CHODL: variants seen among roughly 807,000 people sequenced by gnomAD.
CHODL encodes transmembrane protein MT75.
A neutral mutation model predicts 34.5 loss-of-function variants in CHODL; 29 were observed. The observed-to-expected ratio is 0.84, with a 90% CI of 0.63 to 1.15. The LOEUF (loss-of-function observed/expected upper bound fraction) is 1.15. CHODL is among the 50% of genes most tolerant of loss of function. CHODL has a pLI of 0.00. For synonymous variants in CHODL, 125 were observed against 116.1 expected (o/e 1.08, Z -0.49); for missense variants, 332 against 332.5 (o/e 1.00, Z 0.01).
chr21:18,195,185 G>C (rs1432097310), intron 2 of CHODL, among the ~76,000 whole-genome samples: 1 of 151,970 alleles, frequency 6.6e-6, no homozygotes, highest in Non-Finnish European at 1.5e-5. Flanking sequence ...CTCCTGAGTA[G>C]CTGGGACTAC....
At chr21:17,998,984 C>T (rs1210443245) in intron 1 of CHODL, among the ~76,000 whole-genome samples, 1 of 152,228 alleles carries the variant, frequency 6.6e-6, no homozygotes, top group Non-Finnish European at 1.5e-5. Context: ...TTCATTCCTA[C>T]TGCATTGTCA....
intron 1 of CHODL, among the ~76,000 whole-genome samples, chr21:17,977,700 C>T (rs1461878161): frequency 1.4e-5 from 2 of 146,640 alleles, no homozygotes; most frequent in Non-Finnish European, 1.5e-5. Flanking sequence ...AGGCGAATCC[C>T]GAGGTCAAGA....
chr21:17,987,769 T>C (rs2063765094), intron 1 of CHODL, among the ~76,000 whole-genome samples: 1 of 152,186 alleles, frequency 6.6e-6, no homozygotes, highest in African/African-American at 2.4e-5. Flanking sequence ...AAACATACTA[T>C]AGAATATAAC....
At chr21:18,006,870 G>A (rs1820873282) in intron 1 of CHODL, among the ~76,000 whole-genome samples, 1 of 152,194 alleles carries the variant, frequency 6.6e-6, no homozygotes, top group South Asian at 2.1e-4. Flanking sequence ...AAGCACTTAA[G>A]CAGCTTGGTG....
At chr21:17,976,367 A>G (rs1342967517) in intron 1 of CHODL, among the ~76,000 whole-genome samples, 1 of 151,216 alleles carries the variant, frequency 6.6e-6, no homozygotes, top group Non-Finnish European at 1.5e-5. Flanking sequence ...GAGTGGGTAG[A>G]TAATGGATTC....
chr21:17,971,260 T>A (rs941921698), intron 1 of CHODL, among the ~76,000 whole-genome samples: 1 of 152,202 alleles, frequency 6.6e-6, no homozygotes, highest in Admixed American at 6.5e-5. Flanking sequence ...GTAATGGGAT[T>A]GCTGGGTCAA....
chr21:18,075,833 A>G (rs1318700967), intron 2 of CHODL, among the ~76,000 whole-genome samples: 3 of 152,154 alleles, frequency 2.0e-5, no homozygotes, highest in African/African-American at 7.2e-5. Flanking sequence ...GATATTTGAA[A>G]GGTGATTAGG....
chr21:18,218,967 C>A (rs558445101), intron 2 of CHODL, among the ~76,000 whole-genome samples: 3 of 152,264 alleles, frequency 2.0e-5, no homozygotes, highest in South Asian at 4.1e-4. Flanking sequence ...GTCTTCCTAG[C>A]CCTCAAAGTC....
chr21:18,027,526 C>T (rs892002893), intron 1 of CHODL, among the ~76,000 whole-genome samples: 1 of 152,052 alleles, frequency 6.6e-6, no homozygotes, highest in Non-Finnish European at 1.5e-5. Context: ...TTAGATTTAA[C>T]GTAGGTAATG....
At chr21:18,145,519 G>A (rs1306101953) in intron 2 of CHODL, among the ~76,000 whole-genome samples, 4 of 151,274 alleles carry the variant, frequency 2.6e-5, no homozygotes, top group African/African-American at 7.3e-5. Context: ...GACCTGATAG[G>A]CATTAAAAAG....
At chr21:17,980,610 C>T (rs2063706266) in intron 1 of CHODL, among the ~76,000 whole-genome samples, 1 of 152,138 alleles carries the variant, frequency 6.6e-6, no homozygotes, top group South Asian at 2.1e-4. Flanking sequence ...AATGATGTTG[C>T]ATTGAATTCC....
At chr21:18,102,656 T>G (rs1037466763) in intron 2 of CHODL, among the ~76,000 whole-genome samples, 2 of 152,204 alleles carry the variant, frequency 1.3e-5, no homozygotes, top group Non-Finnish European at 1.5e-5. Context: ...AAATACCTAT[T>G]GCTCTTTATA....
At chr21:18,108,806 A>C (rs1341466076) in intron 2 of CHODL, among the ~76,000 whole-genome samples, 1 of 151,278 alleles carries the variant, frequency 6.6e-6, no homozygotes, top group African/African-American at 2.4e-5. Context: ...AGACGATTAT[A>C]GTTTTTTCTC....
intron 1 of CHODL, among the ~76,000 whole-genome samples, chr21:17,939,070 T>G (rs959979180): frequency 1.3e-5 from 2 of 152,246 alleles, no homozygotes; most frequent in African/African-American, 4.8e-5. Context: ...AATTTTATCT[T>G]ATTTTTTGGT....
chr21:18,250,927 T>G (rs1223763238), intron 1 of CHODL, among the ~76,000 whole-genome samples: 1 of 151,644 alleles, frequency 6.6e-6, no homozygotes, highest in Non-Finnish European at 1.5e-5. Context: ...ATATTTTTAT[T>G]GAAAAAGTGA....
At chr21:18,119,659 G>T (rs545027598) in intron 2 of CHODL, among the ~76,000 whole-genome samples, 1 of 152,260 alleles carries the variant, frequency 6.6e-6, no homozygotes, top group African/African-American at 2.4e-5. Flanking sequence ...GTTGCCCTGT[G>T]AAAGCTGCCA....
intron 1 of CHODL, among the ~76,000 whole-genome samples, chr21:17,945,985 A>T (rs940035087): frequency 1.3e-5 from 2 of 152,216 alleles, no homozygotes; most frequent in Non-Finnish European, 2.9e-5. Context: ...AACAAAGAGT[A>T]CTTTATCCAG....
intron 1 of CHODL, among the ~76,000 whole-genome samples, chr21:18,007,135 C>A (rs1052017982): frequency 2.0e-5 from 3 of 152,012 alleles, no homozygotes; most frequent in Admixed American, 2.0e-4. Context: ...TTAAAAAAAA[C>A]TACTTCAAGA....
intron 2 of CHODL, among the ~76,000 whole-genome samples, chr21:18,045,499 G>A (rs1016133584): frequency 2.0e-5 from 3 of 151,830 alleles, no homozygotes; most frequent in African/African-American, 4.8e-5. Context: ...GGAATACCTG[G>A]AACTCCCAGA....
Sources: allele counts gnomAD v4.1 joint callset (sites outside exome capture counted in the v4.1 genomes callset), GRCh38; gene constraint gnomAD v4.1.1; transcripts MANE v1.5; gene names NCBI Gene and HGNC (gene_info 2026-07-23, HGNC 2026-07-21).